METTL15: variants seen among roughly 807,000 people sequenced by gnomAD.
METTL15 encodes the protein methyltransferase 15, mitochondrial 12S rRNA N4-cytidine, also known as 12S rRNA N(4)-cytidine methyltransferase METTL15.
In METTL15, 34 loss-of-function variants were observed where a neutral mutation model predicts 38.3. The observed-to-expected ratio is 0.89, with a 90% CI of 0.68 to 1.18. The LOEUF (loss-of-function observed/expected upper bound fraction) is 1.18. Ranked by LOEUF, METTL15 falls within the 50% of genes most tolerant of loss-of-function variation. The probability of loss-of-function intolerance (pLI) is 0.00; values close to 1 mark genes in which losing one functional copy is unlikely to be tolerated. For synonymous variants in METTL15, 162 were observed against 170.9 expected (o/e 0.95, Z 0.41); for missense variants, 438 against 498.4 (o/e 0.88, Z 1.15).
intron 3 of METTL15, among the ~76,000 whole-genome samples, chr11:28,133,254 G>T: frequency 6.6e-6 from 1 of 152,138 alleles, no homozygotes; most frequent in East Asian, 1.9e-4. Flanking sequence ...CAAGGAGATT[G>T]TAGAATCCTC....
chr11:28,486,277 A>ACAGGAAAGT (rs1417760958), intron 6 of METTL15, among the ~76,000 whole-genome samples: 3 of 152,126 alleles, frequency 2.0e-5, no homozygotes, highest in African/African-American at 7.2e-5. Flanking sequence ...GGGGGATGGT[A>ACAGGAAAGT]CAGGAAAGTC....
chr11:28,353,531 C>T (rs576597309), intron 4 of METTL15, among the ~76,000 whole-genome samples: 6 of 152,030 alleles, frequency 3.9e-5, no homozygotes, highest in Non-Finnish European at 8.8e-5. Context: ...AGCAGGTAGC[C>T]AGTGAATGAA....
At chr11:28,185,632 A>G (rs1851466087) in intron 3 of METTL15, among the ~76,000 whole-genome samples, 1 of 151,356 alleles carries the variant, frequency 6.6e-6, no homozygotes, top group African/African-American at 2.4e-5. Flanking sequence ...TTAGAAGTAA[A>G]ATAATGGATT....
chr11:28,172,607 T>C (rs1441610329), intron 3 of METTL15, among the ~76,000 whole-genome samples: 1 of 152,212 alleles, frequency 6.6e-6, no homozygotes, highest in Admixed American at 6.5e-5. Context: ...TTACATTGTG[T>C]CCTCACAGTC....
At chr11:28,529,977 G>A (rs573018480), downstream of METTL15, among the ~76,000 whole-genome samples, 3 of 152,274 alleles carry the variant, frequency 2.0e-5, no homozygotes, top group South Asian at 6.2e-4. Context: ...GCAAGCTGGG[G>A]TGGGTACTCC....
intron 3 of METTL15, among the ~76,000 whole-genome samples, chr11:28,133,713 T>C (rs1849415917): frequency 6.6e-6 from 1 of 152,178 alleles, no homozygotes; most frequent in African/African-American, 2.4e-5. Flanking sequence ...TTGAGGCTCC[T>C]ACCAACAATC....
In METTL15 at chr11:28,318,978, T is replaced by C. The variant is rs1160286070; in HGVS notation, c.779-11418T>C. 2.0e-5 allele frequency among the ~76,000 whole-genome samples: 3 copies of C among 152,180 alleles called. No individual in the cohort carries two copies. In the East Asian group the frequency reaches 5.8e-4, roughly 29 times the overall value. ...TGAGCTAACAATAAGTTATTTTCAA[T>C]AGAACAAAAAGGACAAAAGCCAAAG... On this transcript the variant is annotated intron_variant, in intron 6 of 6. Coordinates refer to ENST00000407364, the MANE Select transcript of METTL15 (RefSeq NM_001113528.2).
rs748796383 is a variant in METTL15 at position 28,400,578 on chromosome 11, C to G, written c.*359-23721C>G. Among the ~76,000 whole-genome samples the G allele has an allele frequency of 4.6e-5, 7 of 151,974 alleles. No homozygotes were observed. In the South Asian group the frequency reaches 1.2e-3, roughly 27 times the overall value. On this transcript the variant is annotated intron_variant and NMD_transcript_variant, in intron 5 of 7. Transcript: ENST00000532947. ...AATTTGTCAGTGGAGTCTGAGTTCC[C>G]CCCATCCCTCACCCCTCTTGAGGTC...
chr11:28,410,731 T>G (rs1489347390), intron 5 of METTL15: 1 of 152,110 alleles, frequency 6.6e-6, no homozygotes, highest in Admixed American at 6.5e-5. Context: ...ATGCCTGCTT[T>G]CACCACTTCC....
intron 6 of METTL15, among the ~76,000 whole-genome samples, chr11:28,426,754 A>G (rs373123716): frequency 1.1e-4 from 17 of 151,428 alleles, no homozygotes; most frequent in African/African-American, 3.6e-4. Context: ...GTGTCTGTTC[A>G]TGTCCTTTGC....
intron 5 of METTL15, among the ~76,000 whole-genome samples, chr11:28,387,519 C>T (rs979862828): frequency 2.6e-5 from 4 of 151,880 alleles, no homozygotes; most frequent in African/African-American, 9.7e-5. Flanking sequence ...CTGAACAGAC[C>T]TATAACTAGT....
intron 6 of METTL15, among the ~76,000 whole-genome samples, chr11:28,522,823 A>G (rs1267126758): frequency 6.6e-6 from 1 of 152,250 alleles, no homozygotes; most frequent in Non-Finnish European, 1.5e-5. Context: ...GGAAAGCTAC[A>G]TATGTGTCTG....
intron 5 of METTL15, among the ~76,000 whole-genome samples, chr11:28,390,791 T>TG (rs1205213729): frequency 6.6e-6 from 1 of 152,170 alleles, no homozygotes; most frequent in African/African-American, 2.4e-5. Context: ...TTGATGGGGA[T>TG]GGCATTGAAT....
intron 2 of METTL15, among the ~76,000 whole-genome samples, chr11:28,111,415 T>C (rs1414228446): frequency 6.6e-6 from 1 of 152,208 alleles, no homozygotes; most frequent in Non-Finnish European, 1.5e-5. Context: ...GTATACATTG[T>C]ACGTTCATTA....
chr11:28,439,645 C>T (rs1301631783), intron 6 of METTL15, among the ~76,000 whole-genome samples: 6 of 152,146 alleles, frequency 3.9e-5, no homozygotes, highest in Non-Finnish European at 8.8e-5. Context: ...CTAAATAATC[C>T]TACTAACATC....
chr11:28,409,361 G>A (rs1045999822), intron 5 of METTL15, among the ~76,000 whole-genome samples: 2 of 108,994 alleles, frequency 1.8e-5, no homozygotes, highest in African/African-American at 7.2e-5. Flanking sequence ...CAGCCTGGGA[G>A]ACAGAGCGAG....
intron 5 of METTL15, among the ~76,000 whole-genome samples, chr11:28,367,185 T>A (rs1850194070): frequency 1.4e-5 from 2 of 147,690 alleles, no homozygotes; most frequent in Non-Finnish European, 1.5e-5. Flanking sequence ...ATACTTTAGA[T>A]GTCTAGGAGC....
intron 3 of METTL15, among the ~76,000 whole-genome samples, chr11:28,192,971 TATC>T (rs942926365): frequency 2.0e-5 from 3 of 152,128 alleles, no homozygotes; most frequent in Non-Finnish European, 2.9e-5. Context: ...ATTCTTTTAT[TATC>T]TGTACAATCT....
At chr11:28,507,605 T>C (rs1388714452) in intron 6 of METTL15, among the ~76,000 whole-genome samples, 5 of 152,204 alleles carry the variant, frequency 3.3e-5, no homozygotes, top group Admixed American at 6.5e-5. Flanking sequence ...ATGCTTCCAG[T>C]ACAGAAACCT....
Sources: allele counts gnomAD v4.1 joint callset (sites outside exome capture counted in the v4.1 genomes callset), GRCh38; gene constraint gnomAD v4.1.1; transcripts MANE v1.5; gene names NCBI Gene and HGNC (gene_info 2026-07-23, HGNC 2026-07-21).